Variants in CREB1 observed in about 807,000 individuals in gnomAD.
CREB1 encodes cAMP responsive element binding protein 1.
A neutral mutation model predicts 42.0 loss-of-function variants in CREB1; 2 were observed. That is an observed-to-expected ratio of 0.05 (90% CI 0.02 to 0.15). The LOEUF is 0.15. Ranked by LOEUF, CREB1 falls within the 10% of genes least tolerant of loss-of-function variation. The probability of loss-of-function intolerance (pLI) is 1.00; values close to 1 mark genes in which losing one functional copy is unlikely to be tolerated. For synonymous variants in CREB1, 123 were observed against 139.9 expected, an observed-to-expected ratio of 0.88 and a Z score of 0.85; for missense variants, 199 against 388.9, an observed-to-expected ratio of 0.51 and a Z score of 4.11.
rs1014179958 is a variant in CREB1 at position 207,560,389 on chromosome 2, T to A, written c.261+17T>A. The stretch of plus-strand genomic sequence containing the variant: ...ACAGTTCAGGTATGTGTATAAAAAG[T>A]TCTGCATCTATTTTAATAACTTTTG... On this transcript the variant is annotated intron_variant, in intron 3 of 7. Transcript: ENST00000353267. 17 of 1,600,610 alleles carry A rather than the reference T, an allele frequency of 1.1e-5. No individual in the cohort carries two copies. Among genetic ancestry groups the A allele is most frequent in the Non-Finnish European group, 1.4e-5 (17 of 1,174,332 alleles).
At chr2:207,566,342 A>G (rs1170386056) in intron 3 of CREB1, among the ~76,000 whole-genome samples, 1 of 152,342 alleles carries the variant, frequency 6.6e-6, no homozygotes, top group East Asian at 1.9e-4. Context: ...GCTGACCTAC[A>G]TAGACCCTTT....
chr2:207,585,837 C>T (rs1414549047), intron 7 of CREB1, among the ~76,000 whole-genome samples: 1 of 152,062 alleles, frequency 6.6e-6, no homozygotes, highest in Non-Finnish European at 1.5e-5. Flanking sequence ...CCCAGTCAAA[C>T]ACACACTAAA....
intron 7 of CREB1, among the ~76,000 whole-genome samples, chr2:207,587,857 G>A (rs1274542807): frequency 6.6e-6 from 1 of 152,142 alleles, no homozygotes; most frequent in Non-Finnish European, 1.5e-5. Context: ...ATCTAGGTTG[G>A]TAGAATGATT....
chr2:207,582,058 T>G (rs2083033664), intron 7 of CREB1: 1 of 700,926 alleles, frequency 1.4e-6, no homozygotes, highest in East Asian at 2.7e-5. Context: ...ATATTAACTT[T>G]GATCACTTGG....
intron 7 of CREB1, among the ~76,000 whole-genome samples, chr2:207,592,730 C>T (rs1469657130): frequency 6.6e-6 from 1 of 151,904 alleles, no homozygotes; most frequent in Non-Finnish European, 1.5e-5. Context: ...AACATCCTGG[C>T]CAACATGGTG....
At chr2:207,590,352 C>T (rs141045646) in intron 7 of CREB1, among the ~76,000 whole-genome samples, 1 of 151,516 alleles carries the variant, frequency 6.6e-6, no homozygotes, top group African/African-American at 2.4e-5. Flanking sequence ...CAGCCACCCT[C>T]CTTTTTTTTT....
chr2:207,571,882 A>G, intron 5 of CREB1: 1 of 346,486 alleles, frequency 2.9e-6, no homozygotes, highest in South Asian at 2.1e-5. Context: ...CAGCACCCCC[A>G]TAGATGTTTA....
chr2:207,553,721 C>G (rs999861817), intron 1 of CREB1, among the ~76,000 whole-genome samples: 1 of 152,002 alleles, frequency 6.6e-6, no homozygotes, highest in Non-Finnish European at 1.5e-5. Context: ...CCAAGTAATC[C>G]TGAATCCATT....
chr2:207,582,055 C>G (rs1299631625), intron 7 of CREB1: 1 of 700,584 alleles, frequency 1.4e-6, no homozygotes, highest in Non-Finnish European at 2.6e-6. Context: ...GCGATATTAA[C>G]TTTGATCACT....
intron 1 of CREB1, chr2:207,534,770 G>C (rs1227310721): frequency 1.3e-5 from 2 of 152,152 alleles, no homozygotes; most frequent in Non-Finnish European, 2.9e-5. Context: ...CATAATAACA[G>C]CAAAATGCCC....
At chr2:207,542,124 A>G (rs759594276) in intron 1 of CREB1, among the ~76,000 whole-genome samples, 2 of 152,222 alleles carry the variant, frequency 1.3e-5, no homozygotes, top group South Asian at 4.1e-4. Context: ...AAATGCTGCC[A>G]TAAACATTCA....
At chr2:207,539,012 A>G (rs1463754667) in intron 1 of CREB1, among the ~76,000 whole-genome samples, 1 of 151,708 alleles carries the variant, frequency 6.6e-6, no homozygotes, top group African/African-American at 2.4e-5. Flanking sequence ...CACTGAAGTG[A>G]AAATTACAGA....
intron 1 of CREB1, among the ~76,000 whole-genome samples, chr2:207,551,663 A>T (rs1377870007): frequency 6.6e-6 from 1 of 152,174 alleles, no homozygotes; most frequent in Admixed American, 6.5e-5. Flanking sequence ...AGTAAAAGGA[A>T]ATACTTCCTT....
chr2:207,569,476 T>G (rs1012313748), intron 4 of CREB1, among the ~76,000 whole-genome samples: 2 of 152,166 alleles, frequency 1.3e-5, no homozygotes, highest in Non-Finnish European at 2.9e-5. Flanking sequence ...TTTCCCAATC[T>G]GAGAAGTGAG....
At chr2:207,581,707 C>A in intron 7 of CREB1, 1 of 585,478 alleles carries the variant, frequency 1.7e-6, no homozygotes, top group South Asian at 2.3e-5. Context: ...ATTACATAAC[C>A]AGGGTACATT....
Position 207,599,114 on chromosome 2 carries a change from G to T in CREB1, c.*2056G>T, listed in dbSNP as rs963187883. 13 of 191,844 alleles carry T rather than the reference G, an allele frequency of 6.8e-5. No individual in the cohort carries two copies. Among genetic ancestry groups the T allele is most frequent in the African/African-American group, 3.0e-4 (13 of 42,984 alleles). The allele number at this position is 191,844 out of a possible 1,614,324, so 11.9% of individuals were successfully genotyped here. A position where few individuals can be genotyped will look rare whatever the true frequency, so the allele number is the denominator to read the frequency against. ...AGTTTATGAAGGAGCATCATTCTAAGAATTAAGTGATGTAGTCTTTATGTT... is the reference window on the plus strand; with the variant it reads ...AGTTTATGAAGGAGCATCATTCTAATAATTAAGTGATGTAGTCTTTATGTT... On this transcript the variant is annotated 3_prime_UTR_variant, in exon 8 of 8. Transcript: ENST00000353267.
intron 1 of CREB1, among the ~76,000 whole-genome samples, chr2:207,546,770 A>G (rs1243295648): frequency 1.3e-5 from 2 of 152,024 alleles, no homozygotes; most frequent in Non-Finnish European, 2.9e-5. Context: ...CAAAGCCTGT[A>G]CATAAAGTAT....
intron 1 of CREB1, among the ~76,000 whole-genome samples, chr2:207,532,646 C>T (rs1328232394): frequency 4.0e-5 from 6 of 151,488 alleles, no homozygotes; most frequent in Non-Finnish European, 7.4e-5. Flanking sequence ...GCCCTCCAGC[C>T]TGGTGACAGC....
intron 1 of CREB1, among the ~76,000 whole-genome samples, chr2:207,532,688 T>C (rs2080697389): frequency 6.6e-6 from 1 of 152,028 alleles, no homozygotes; most frequent in Non-Finnish European, 1.5e-5. Context: ...AAAAGTTTAC[T>C]GATAAGTTCT....
Sources: gnomAD v4.1 joint callset for allele counts (sites outside exome capture counted in the v4.1 genomes callset) on GRCh38, gnomAD v4.1.1 for gene constraint, MANE v1.5 for transcripts, NCBI Gene and HGNC (gene_info 2026-07-23, HGNC 2026-07-21) for gene names.